Variants in LHFPL3 observed in about 807,000 individuals in gnomAD.
LHFPL3 encodes LHFPL tetraspan subfamily member 3 protein.
A neutral mutation model predicts 19.3 loss-of-function variants in LHFPL3; 5 were observed. That is an observed-to-expected ratio of 0.26 (90% CI 0.14 to 0.54). The LOEUF is 0.54. Among genes scored for constraint, LHFPL3 ranks in the 20% least tolerant of loss-of-function variants. The pLI is 0.94. For missense variants in LHFPL3, 249 were observed against 307.4 expected, an observed-to-expected ratio of 0.81 and a Z score of 1.42; for synonymous variants, 133 against 126.2, an observed-to-expected ratio of 1.05 and a Z score of -0.36.
At chr7:104,554,496 G>A (rs1482442787) in intron 1 of LHFPL3, among the ~76,000 whole-genome samples, 8 of 152,092 alleles carry the variant, frequency 5.3e-5, no homozygotes, top group African/African-American at 1.4e-4. Context: ...ATTAGCTCGT[G>A]TTATAGACTA....
chr7:104,662,992 T>C (rs1160820511), intron 1 of LHFPL3, among the ~76,000 whole-genome samples: 1 of 152,250 alleles, frequency 6.6e-6, no homozygotes, highest in Non-Finnish European at 1.5e-5. Context: ...CAGACCCAGT[T>C]CCTCATGTAG....
chr7:104,521,582 A>G (rs1165318363), intron 1 of LHFPL3, among the ~76,000 whole-genome samples: 1 of 152,076 alleles, frequency 6.6e-6, no homozygotes, highest in Non-Finnish European at 1.5e-5. Context: ...AAAAGAAACT[A>G]CCATCAGAGT....
At chr7:104,392,488 T>G (rs1385531871) in intron 1 of LHFPL3, among the ~76,000 whole-genome samples, 1 of 151,992 alleles carries the variant, frequency 6.6e-6, no homozygotes, top group African/African-American at 2.4e-5. Flanking sequence ...TGGATTACAT[T>G]TATTGATTTG....
intron 1 of LHFPL3, chr7:104,669,553 G>A (rs1276569804): frequency 1.1e-4 from 170 of 1,611,594 alleles, no homozygotes; most frequent in Non-Finnish European, 1.4e-4. Context: ...AGATGAAAAT[G>A]AGGGAGAAGA....
chr7:104,799,959 C>A lies in LHFPL3; in HGVS notation c.682+63048C>A, dbSNP rs549969722. The A allele has an allele frequency of 1.6e-4, 24 of 152,856 alleles. 3 individuals are homozygous for A. The East Asian group carries it at 4.6e-3, about 30-fold the overall frequency. 9.5% of individuals were successfully genotyped at this position (152,856 alleles called of 1,614,324 possible). A position where few individuals can be genotyped will look rare whatever the true frequency, so the allele number is the denominator to read the frequency against. ...TTATGCCAACAGCCTTCTTCCTGAC[C>A]CAAGCCTATTGGGAGCAGGAGTCTT... On this transcript the variant is annotated intron_variant, in intron 2 of 2. Coordinates refer to ENST00000424859, the MANE Select transcript of LHFPL3 (RefSeq NM_199000.3).
intron 1 of LHFPL3, among the ~76,000 whole-genome samples, chr7:104,729,929 T>C (rs898500003): frequency 4.6e-5 from 7 of 151,144 alleles, no homozygotes; most frequent in African/African-American, 7.3e-5. Context: ...CAGTGTGTGA[T>C]GTTCCCCTTC....
chr7:104,371,091 T>C (rs1790604493), intron 1 of LHFPL3, among the ~76,000 whole-genome samples: 1 of 152,210 alleles, frequency 6.6e-6, no homozygotes, highest in African/African-American at 2.4e-5. Flanking sequence ...TTTGAACTCC[T>C]GGATCTCCTG....
At chr7:104,456,986 G>A (rs574006062) in intron 1 of LHFPL3, among the ~76,000 whole-genome samples, 3 of 152,240 alleles carry the variant, frequency 2.0e-5, no homozygotes, top group Non-Finnish European at 2.9e-5. Flanking sequence ...GGTAAGGGGG[G>A]ACTGTTGTAC....
At chr7:104,423,623 T>A (rs1276613516) in intron 1 of LHFPL3, among the ~76,000 whole-genome samples, 1 of 152,142 alleles carries the variant, frequency 6.6e-6, no homozygotes, top group Non-Finnish European at 1.5e-5. Context: ...ATCATGCCAC[T>A]GCACTCAGCC....
At chr7:104,354,585 A>T (rs1277517583) in intron 1 of LHFPL3, among the ~76,000 whole-genome samples, 4 of 152,146 alleles carry the variant, frequency 2.6e-5, no homozygotes, top group African/African-American at 9.7e-5. Context: ...GTATAAACTG[A>T]TATTTCATTG....
intron 2 of LHFPL3, among the ~76,000 whole-genome samples, chr7:104,874,892 G>A (rs1436198590): frequency 3.3e-5 from 5 of 150,700 alleles, no homozygotes; most frequent in African/African-American, 7.3e-5. Flanking sequence ...TGTCACCCAG[G>A]CTGGAGAGCA....
At chr7:104,332,468 C>G (rs1040593102) in intron 1 of LHFPL3, among the ~76,000 whole-genome samples, 1 of 151,910 alleles carries the variant, frequency 6.6e-6, no homozygotes, top group African/African-American at 2.4e-5. Flanking sequence ...TCACCTCAAG[C>G]AATCCGACTG....
At chr7:104,754,786 T>C (rs892098810) in intron 2 of LHFPL3, among the ~76,000 whole-genome samples, 2 of 152,120 alleles carry the variant, frequency 1.3e-5, no homozygotes, top group Non-Finnish European at 2.9e-5. Flanking sequence ...AGGAGGAGCA[T>C]GGTGATGGTT....
chr7:104,571,522 A>T (rs896101200), intron 1 of LHFPL3, among the ~76,000 whole-genome samples: 3 of 152,124 alleles, frequency 2.0e-5, no homozygotes, highest in African/African-American at 7.2e-5. Context: ...GTTCCTGGCA[A>T]GTGACTTACA....
chr7:104,398,051 T>C (rs1221917041), intron 1 of LHFPL3, among the ~76,000 whole-genome samples: 1 of 139,116 alleles, frequency 7.2e-6, no homozygotes, highest in African/African-American at 2.8e-5. Context: ...TTATCTTCTA[T>C]GCATTTAACT....
intron 2 of LHFPL3, among the ~76,000 whole-genome samples, chr7:104,797,417 C>CTGTCT: frequency 6.6e-6 from 1 of 152,230 alleles, no homozygotes; most frequent in East Asian, 1.9e-4. Flanking sequence ...GCCTCCTTAG[C>CTGTCT]TATCTTTAGT....
chr7:104,601,035 A>G (rs1355701238), intron 1 of LHFPL3, among the ~76,000 whole-genome samples: 6 of 152,202 alleles, frequency 3.9e-5, no homozygotes, highest in Admixed American at 2.6e-4. Context: ...AATGGAGCCA[A>G]TTCTTAAACT....
At chr7:104,534,231 A>T (rs918525945) in intron 1 of LHFPL3, among the ~76,000 whole-genome samples, 2 of 152,148 alleles carry the variant, frequency 1.3e-5, no homozygotes, top group Non-Finnish European at 2.9e-5. Flanking sequence ...TGCAACCCTG[A>T]TCTCTCATCA....
At chr7:104,480,134 G>A (rs972910259) in intron 1 of LHFPL3, among the ~76,000 whole-genome samples, 1 of 152,192 alleles carries the variant, frequency 6.6e-6, no homozygotes, top group Non-Finnish European at 1.5e-5. Context: ...GGACTTTGGA[G>A]GAAGACAGAC....
Sources: gnomAD v4.1 joint callset for allele counts (sites outside exome capture counted in the v4.1 genomes callset) on GRCh38, gnomAD v4.1.1 for gene constraint, MANE v1.5 for transcripts, NCBI Gene and HGNC (gene_info 2026-07-23, HGNC 2026-07-21) for gene names.